The following SLC11A1 variants were observed in gnomAD, a reference collection of about 807,000 sequenced individuals.
SLC11A1 encodes natural resistance-associated macrophage protein 1.
SLC11A1 carries 59 observed loss-of-function variants against 63.2 expected under a neutral mutation model. That is an observed-to-expected ratio of 0.93 (90% CI 0.76 to 1.16). The LOEUF (loss-of-function observed/expected upper bound fraction) is 1.16. Ranked by LOEUF, SLC11A1 falls within the 50% of genes most tolerant of loss-of-function variation. The pLI, the probability that SLC11A1 is intolerant of heterozygous loss-of-function variation, is 0.00. For synonymous variants in SLC11A1, 305 were observed against 307.8 expected (o/e 0.99, Z 0.09); for missense variants, 688 against 730.7 (o/e 0.94, Z 0.67).
At chr2:218,394,382 G>A (rs1418445534) in intron 13 of SLC11A1, 189 bp downstream of exon 13, 2 of 703,804 alleles carry the variant, frequency 2.8e-6, no homozygotes, top group Non-Finnish European at 4.7e-6. Flanking sequence ...AGGGAAGAGG[G>A]CTGTTTCTAG....
At chr2:218,388,608 C>G (rs1403929518) in intron 8 of SLC11A1, among the ~76,000 whole-genome samples, 1 of 149,460 alleles carries the variant, frequency 6.7e-6, no homozygotes, top group African/African-American at 2.5e-5. Flanking sequence ...CCTCAACAGC[C>G]TGGCCAACAT....
chr2:218,391,263 C>G lies in SLC11A1; in HGVS notation c.1020C>G (p.Thr340=), dbSNP rs1423904843. The G allele has an allele frequency of 1.6e-6, 2 of 1,274,872 alleles. No homozygotes were observed. The highest frequency in any genetic ancestry group is 2.1e-6 in the Non-Finnish European group (2 of 946,296). The allele number at this position is 1,274,872 out of a possible 1,614,324, so 79.0% of individuals were successfully genotyped here. A position where few individuals can be genotyped will look rare whatever the true frequency, so the allele number is the denominator to read the frequency against. Residue 340 remains threonine, a synonymous_variant, in exon 10 of 15, where the codon ACC becomes ACG. Transcript: ENST00000233202. ...AGATCTTCCCCATGAACAACGCCACCGTGGCCGTGGACATTTACCAGGGGG... is the reference window on the plus strand; with the variant it reads ...AGATCTTCCCCATGAACAACGCCACGGTGGCCGTGGACATTTACCAGGGGG... ...YAKIFPMNNA[T]VAVDIYQGGV...
intron 4 of SLC11A1, 75 bp downstream of exon 4, chr2:218,385,341 A>C (rs1172360241): frequency 3.2e-6 from 5 of 1,581,982 alleles, no homozygotes; most frequent in Non-Finnish European, 4.3e-6. Context: ...TTCCACGATC[A>C]AATAAATACA....
At chr2:218,385,334 C>G (rs1484052153) in intron 4 of SLC11A1, 68 bp downstream of exon 4, 7 of 1,601,226 alleles carry the variant, frequency 4.4e-6, no homozygotes, top group Non-Finnish European at 6.0e-6. Context: ...TTTCAGCTTC[C>G]ACGATCAAAT....
At chr2:218,387,476 A>G (rs1696165619) in intron 6 of SLC11A1, 89 bp from the exon 7 acceptor site, 3 of 1,342,418 alleles carry the variant, frequency 2.2e-6, no homozygotes, top group African/African-American at 2.9e-5. Flanking sequence ...CACTGTGCCT[A>G]GAAGCGCTCG....
At chr2:218,387,502 C>A in intron 6 of SLC11A1, 63 bp from the exon 7 acceptor site, 2 of 1,545,554 alleles carry the variant, frequency 1.3e-6, no homozygotes. Flanking sequence ...TTAGCCATTA[C>A]GAATTGTTGA....
At chr2:218,394,564 TGAA>T (rs1240311173) in intron 13 of SLC11A1, 65 bp from the exon 14 acceptor site, 1 of 1,550,410 alleles carries the variant, frequency 6.4e-7, no homozygotes, top group Non-Finnish European at 8.8e-7. Flanking sequence ...CGCTGGGAGA[TGAA>T]GAGGAGTTGA....
chr2:218,392,099 C>A, intron 11 of SLC11A1: 1 of 403,746 alleles, frequency 2.5e-6, no homozygotes, highest in Non-Finnish European at 5.0e-6. Context: ...GACGGCGTTT[C>A]GCTCTTATTG....
rs1354101024 is a variant in SLC11A1 at position 218,382,951 on chromosome 2, C to T, written c.8-9C>T. ...CAGGACACTCACCATGCTTCATGGGCCCCCACAGGTGACAAGGGTCCCCAA... is the reference window on the plus strand; with the variant it reads ...CAGGACACTCACCATGCTTCATGGGTCCCCACAGGTGACAAGGGTCCCCAA... On this transcript the variant is annotated splice_polypyrimidine_tract_variant and intron_variant, in intron 1 of 14. Coordinates refer to ENST00000233202, the MANE Select transcript of SLC11A1 (RefSeq NM_000578.4). 6.2e-7 allele frequency: 1 copy of T among 1,614,042 alleles called. No individual in the cohort carries two copies. Among genetic ancestry groups the T allele is most frequent in the Admixed American group, 1.7e-5 (1 of 60,006 alleles).
rs553556398 is a variant in SLC11A1 at position 218,391,402 on chromosome 2, C to T, written c.1071C>T (p.Gly357=). The change falls in exon 11 of 15, where the codon GGC becomes GGT. Residue 357 remains glycine (G), a synonymous_variant. Coordinates refer to ENST00000233202, the MANE Select transcript of SLC11A1 (RefSeq NM_000578.4). ...QGGVILGCLF[G]PAALYIWAIG... is the part of the protein sequence containing the mutation. Reference sequence around the variant, plus strand: ...GCGTGATCCTGGGCTGCCTGTTCGGCCCCGCGGCCCTCTACATCTGGGCCA... The same window carrying T: ...GCGTGATCCTGGGCTGCCTGTTCGGTCCCGCGGCCCTCTACATCTGGGCCA... The T allele has an allele frequency of 8.7e-6, 14 of 1,614,018 alleles. No homozygotes were observed. In the East Asian group the frequency reaches 2.0e-4, roughly 23 times the overall value.
At position 218,387,847 on chromosome 2, in the gene SLC11A1, C is replaced by T. The variant is rs776420245; in HGVS notation, c.687C>T (p.Phe229=). ...PEQGALLRGL[F]LPSCPGCGHP... ...AGGGAGCGCTTCTTCGGGGCCTGTT[C>T]CTGCCCTCGTGCCCGGGCTGCGGCC... The change falls in exon 8 of 15, where the codon TTC becomes TTT. Residue 229 remains phenylalanine (F), a synonymous_variant. Coordinates refer to ENST00000233202, the MANE Select transcript of SLC11A1 (RefSeq NM_000578.4). 6.2e-7 allele frequency: 1 copy of T among 1,602,386 alleles called. No homozygotes were observed. The highest frequency in any genetic ancestry group is 1.1e-5 in the South Asian group (1 of 90,106).
In SLC11A1 at chr2:218,387,922, C is replaced by G. The variant is rs746886993; in HGVS notation, c.762C>G (p.Pro254=). 1 of 1,610,876 alleles carries G rather than the reference C, an allele frequency of 6.2e-7. No homozygotes were observed. The highest frequency in any genetic ancestry group is 8.5e-7 in the Non-Finnish European group (1 of 1,178,862). The part of the protein sequence containing the change: ...AVGIVGAIIM[P]HNIYLHSALV... ...GCATTGTTGGCGCCATCATCATGCC[C>G]CACAACATCTACCTGCACTCGGCCC... Residue 254 remains proline (P), a synonymous_variant, in exon 8 of 15, where the codon CCC becomes CCG. Coordinates refer to ENST00000233202, the MANE Select transcript of SLC11A1 (RefSeq NM_000578.4).
At position 218,394,614 on chromosome 2, in the gene SLC11A1, C is replaced by T. The variant is rs201606549; in HGVS notation, c.1389-18C>T. On this transcript the variant is annotated intron_variant, in intron 13 of 14. Coordinates refer to ENST00000233202, the MANE Select transcript of SLC11A1 (RefSeq NM_000578.4). ...CAGCAGCAACCAGCCAGTCCTGAGC[C>T]TCTCTCGTGTCCCCCAGGCTGAACA... 2.0e-4 allele frequency: 324 copies of T among 1,612,118 alleles called. No individual in the cohort carries two copies. The highest frequency in any genetic ancestry group is 2.6e-4 in the Non-Finnish European group (301 of 1,179,710).
chr2:218,383,365 A>G (rs1271991375), intron 2 of SLC11A1: 1 of 479,086 alleles, frequency 2.1e-6, no homozygotes, highest in East Asian at 3.5e-5. Context: ...GCCCAGGGGG[A>G]ATTGGGATTG....
Position 218,394,149 on chromosome 2 carries a change from G to T in SLC11A1, c.1344G>T (p.Thr448=), listed in dbSNP as rs375573580. Residue 448 remains threonine, a synonymous_variant, in exon 13 of 15, where the codon ACG becomes ACT. Transcript: ENST00000233202. The part of the protein sequence containing the change: ...LLPFAVLPIL[T]FTSMPTLMQE... ...CGTTCGCCGTGCTGCCCATCCTCAC[G>T]TTCACCAGCATGCCCACCCTCATGC... 6.8e-6 allele frequency: 11 copies of T among 1,614,072 alleles called. No individual in the cohort carries two copies. The African/African-American group carries it at 9.3e-5, about 14-fold the overall frequency.
At chr2:218,386,781 A>T (rs767812103) in intron 5 of SLC11A1, 40 bp downstream of exon 5, 8 of 1,462,006 alleles carry the variant, frequency 5.5e-6, no homozygotes, top group South Asian at 1.2e-5. Context: ...GGCCAGGCAG[A>T]GAACAGCTGC....
rs1696016373 is a variant in SLC11A1 at position 218,385,181 on chromosome 2, G to A, written c.308G>A (p.Gly103Asp). Residue 103 changes from glycine to aspartate, a missense_variant, in exon 4 of 15, where the codon GGC becomes GAC. Gly to Asp is a moderately conservative substitution (Grantham distance 94). Transcript: ENST00000233202. Reference protein sequence around the residue: ...LWVLLWATVLGLLCQRLAARL... With the variant: ...LWVLLWATVLDLLCQRLAARL... The stretch of plus-strand genomic sequence containing the variant: ...GTGCTGCTCTGGGCCACCGTGTTGG[G>A]CTTGCTCTGCCAGCGACTGGCTGCA... 6.2e-7 allele frequency: 1 copy of A among 1,613,844 alleles called. No individual in the cohort carries two copies. The highest frequency in any genetic ancestry group is 8.5e-7 in the Non-Finnish European group (1 of 1,179,928).
rs544866900 is a variant in SLC11A1, at chr2:218,396,019, G to T, written c.*984G>T. 5 of 152,488 alleles carry T rather than the reference G, an allele frequency of 3.3e-5. No individual in the cohort carries two copies. Among genetic ancestry groups the T allele is most frequent in the African/African-American group, 9.6e-5 (4 of 41,580 alleles). The allele number at this position is 152,488 out of a possible 1,614,324, so 9.4% of individuals were successfully genotyped here. ...GCCCAAATTATTTGCTGTTTCCTCA[G>T]GGGAGCCGGCGGCCGCGACTCCCAC... On this transcript the variant is annotated 3_prime_UTR_variant, in exon 15 of 15. Coordinates refer to ENST00000233202, the MANE Select transcript of SLC11A1 (RefSeq NM_000578.4).
intron 5 of SLC11A1, chr2:218,386,943 C>A (rs1696136719): frequency 7.7e-6 from 5 of 646,614 alleles, no homozygotes; most frequent in Non-Finnish European, 5.6e-6. Context: ...GGACTGCAGC[C>A]CCAAACTCCC....
Sources: gnomAD v4.1 joint callset for allele counts (sites outside exome capture counted in the v4.1 genomes callset) on GRCh38, gnomAD v4.1.1 for gene constraint, MANE v1.5 for transcripts, NCBI Gene and HGNC (gene_info 2026-07-23, HGNC 2026-07-21) for gene names.